Variants in HIGD1A observed in about 807,000 individuals in gnomAD.
HIGD1A encodes the protein HIG1 hypoxia inducible domain family member 1A.
HIGD1A carries 8 observed loss-of-function variants against 11.3 expected under a neutral mutation model. That is an observed-to-expected ratio of 0.71 (90% CI 0.42 to 1.28). The LOEUF (loss-of-function observed/expected upper bound fraction) is 1.28, where lower values mean the gene tolerates loss of function less well. Among genes scored for constraint, HIGD1A ranks in the 50% most tolerant of loss-of-function variants. HIGD1A has a pLI of 0.01. For synonymous variants in HIGD1A, 32 were observed against 38.4 expected (o/e 0.83, Z 0.62); for missense variants, 107 against 118.8 (o/e 0.90, Z 0.46).
At chr3:42,802,305 G>C (rs1172508868) in intron 1 of HIGD1A, among the ~76,000 whole-genome samples, 1 of 152,124 alleles carries the variant, frequency 6.6e-6, no homozygotes, top group Non-Finnish European at 1.5e-5. Context: ...TTTGACCTGG[G>C]TTTCAGAAAG....
intron 2 of HIGD1A, among the ~76,000 whole-genome samples, chr3:42,786,866 C>T (rs1700358618): frequency 6.6e-6 from 1 of 152,158 alleles, no homozygotes; most frequent in African/African-American, 2.4e-5. Flanking sequence ...GCCTTGTTCT[C>T]CCAGGCTCAG....
chr3:42,789,165 C>A (rs1411568013), intron 2 of HIGD1A, among the ~76,000 whole-genome samples: 2 of 151,358 alleles, frequency 1.3e-5, no homozygotes, highest in East Asian at 4.0e-4. Flanking sequence ...CCCAGCTTCC[C>A]GAGTAGCTGG....
intron 3 of HIGD1A, 129 bp from the exon 4 acceptor site, chr3:42,785,449 C>G: frequency 1.4e-6 from 1 of 692,444 alleles, no homozygotes; most frequent in Non-Finnish European, 2.5e-6. Context: ...GAATAAGACC[C>G]TAGGAAGCTT....
intron 1 of HIGD1A, 55 bp downstream of exon 1, chr3:42,804,381 T>C: frequency 3.8e-6 from 2 of 531,650 alleles, no homozygotes; most frequent in South Asian, 5.1e-5. Flanking sequence ...CCCCACTTCT[T>C]CCCGCCCCGC....
chr3:42,789,906 A>G (rs1700400515), intron 2 of HIGD1A, among the ~76,000 whole-genome samples: 2 of 151,926 alleles, frequency 1.3e-5, no homozygotes, highest in South Asian at 4.2e-4. Context: ...TTTTTTTTGT[A>G]GAGACAGGGT....
At chr3:42,787,594 A>AATATATATATAT (rs1163603645) in intron 2 of HIGD1A, among the ~76,000 whole-genome samples, 12 of 141,246 alleles carry the variant, frequency 8.5e-5, no homozygotes, top group African/African-American at 2.9e-4. Context: ...CCATCTCAAA[A>AATATATATATAT]ATATATATAT....
chr3:42,802,203 CTCTT>C (rs1176260696), intron 1 of HIGD1A, among the ~76,000 whole-genome samples: 2 of 149,186 alleles, frequency 1.3e-5, no homozygotes, highest in African/African-American at 5.0e-5. Context: ...GGTTAGTTGT[CTCTT>C]TCCTGTATAT....
chr3:42,786,920 AG>A (rs1253068300), intron 2 of HIGD1A, among the ~76,000 whole-genome samples: 1 of 152,104 alleles, frequency 6.6e-6, no homozygotes, highest in Non-Finnish European at 1.5e-5. Flanking sequence ...GGACTACAGG[AG>A]GGCTGTCTTT....
At chr3:42,795,057 C>T (rs950414060) in intron 1 of HIGD1A, among the ~76,000 whole-genome samples, 3 of 150,948 alleles carry the variant, frequency 2.0e-5, no homozygotes, top group Non-Finnish European at 3.0e-5. Context: ...GGCACGATCT[C>T]GGCTCACTGC....
intron 1 of HIGD1A, among the ~76,000 whole-genome samples, chr3:42,799,506 G>C (rs1435389077): frequency 6.6e-6 from 1 of 152,154 alleles, no homozygotes; most frequent in East Asian, 1.9e-4. Flanking sequence ...TGCCACGCAG[G>C]CTGGAGCACG....
chr3:42,796,299 T>G (rs962288164), intron 1 of HIGD1A, among the ~76,000 whole-genome samples: 3 of 152,208 alleles, frequency 2.0e-5, no homozygotes, highest in African/African-American at 7.2e-5. Flanking sequence ...CCATTACTTC[T>G]TAACTGAATA....
intron 1 of HIGD1A, among the ~76,000 whole-genome samples, chr3:42,801,360 T>C (rs1371909605): frequency 2.0e-5 from 3 of 152,212 alleles, no homozygotes; most frequent in South Asian, 2.1e-4. Context: ...TGCAGTCCCA[T>C]AGGACCTTGT....
intron 2 of HIGD1A, 48 bp downstream of exon 2, chr3:42,794,109 T>C: frequency 1.3e-6 from 2 of 1,553,214 alleles, no homozygotes; most frequent in South Asian, 2.5e-5. Flanking sequence ...GAACAAATTA[T>C]CACGGCTCTA....
Position 42,794,445 on chromosome 3 carries a change from C to T in HIGD1A, c.-22-170G>A, listed in dbSNP as rs111423895. 6,234 of 656,076 alleles carry T rather than the reference C, an allele frequency of 9.5e-3. 41 individuals are homozygous for T. Among genetic ancestry groups the T allele is most frequent in the Non-Finnish European group, 0.013 (5,318 of 424,416 alleles). 40.6% of individuals were successfully genotyped at this position (656,076 alleles called of 1,614,324 possible). A position where few individuals can be genotyped will look rare whatever the true frequency, so the allele number is the denominator to read the frequency against. On this transcript the variant is annotated intron_variant, in intron 1 of 3. Transcript: ENST00000321331. ...ATTAACTGTATTTTTAATGTACAGT[C>T]ACTCTCAAGGGAGAGTTGTATACAC...
chr3:42,786,007 A>G, intron 3 of HIGD1A, 21 bp downstream of exon 3: 1 of 1,610,738 alleles, frequency 6.2e-7, no homozygotes, highest in Non-Finnish European at 8.5e-7. Context: ...CGAAAATTTG[A>G]AATTTCCTAT....
intron 1 of HIGD1A, 167 bp downstream of exon 1, chr3:42,804,269 G>C: frequency 6.7e-7 from 1 of 1,502,180 alleles, no homozygotes. Flanking sequence ...GCCCATGCTC[G>C]AGGCCGGGCC....
intron 1 of HIGD1A, among the ~76,000 whole-genome samples, chr3:42,802,326 G>A (rs1314337957): frequency 1.3e-5 from 2 of 152,072 alleles, no homozygotes; most frequent in African/African-American, 4.8e-5. Flanking sequence ...TAGCCCCTGC[G>A]GTAAGCATCA....
chr3:42,800,524 C>T (rs965115760), intron 1 of HIGD1A, among the ~76,000 whole-genome samples: 5 of 152,090 alleles, frequency 3.3e-5, no homozygotes, highest in African/African-American at 1.2e-4. Context: ...GTTTCCCTCC[C>T]TTTCCATCCC....
At chr3:42,800,999 A>C (rs1245050178) in intron 1 of HIGD1A, among the ~76,000 whole-genome samples, 1 of 151,950 alleles carries the variant, frequency 6.6e-6, no homozygotes, top group Non-Finnish European at 1.5e-5. Flanking sequence ...AAATCGTCCA[A>C]ATTCTTTTCT....
Sources: allele counts gnomAD v4.1 joint callset (sites outside exome capture counted in the v4.1 genomes callset), GRCh38; gene constraint gnomAD v4.1.1; transcripts MANE v1.5; gene names NCBI Gene and HGNC (gene_info 2026-07-23, HGNC 2026-07-21).